Variants in ADD1 observed in about 807,000 individuals in gnomAD.
ADD1 encodes the protein alpha-adducin.
ADD1 carries 24 observed loss-of-function variants against 80.5 expected under a neutral mutation model. The observed-to-expected ratio is 0.30, with a 90% CI of 0.22 to 0.42. The LOEUF (loss-of-function observed/expected upper bound fraction) is 0.42. Ranked by LOEUF, ADD1 falls within the 10% of genes least tolerant of loss-of-function variation. ADD1 has a pLI of 1.00. For synonymous variants in ADD1, 373 were observed against 393.8 expected (o/e 0.95, Z 0.63); for missense variants, 948 against 1,019.0 (o/e 0.93, Z 0.95).
chr4:2,847,463 A>T (rs1007135074), intron 1 of ADD1, among the ~76,000 whole-genome samples: 1 of 151,922 alleles, frequency 6.6e-6, no homozygotes, highest in African/African-American at 2.4e-5. Flanking sequence ...ATTTTTATAT[A>T]CCTGTATCTA....
chr4:2,908,909 G>T (rs968390495), intron 12 of ADD1: 1 of 477,154 alleles, frequency 2.1e-6, no homozygotes, highest in South Asian at 2.2e-5. Context: ...GCAGCGTTCT[G>T]TGTAAGGCGC....
chr4:2,927,519 G>T (rs944028263), intron 15 of ADD1, among the ~76,000 whole-genome samples: 3 of 152,246 alleles, frequency 2.0e-5, no homozygotes, highest in Non-Finnish European at 2.9e-5. Flanking sequence ...GGGTGCCCGG[G>T]TAAGTGCAAG....
At chr4:2,895,495 G>A (rs530646659) in intron 6 of ADD1, among the ~76,000 whole-genome samples, 1 of 152,206 alleles carries the variant, frequency 6.6e-6, no homozygotes, top group South Asian at 2.1e-4. Flanking sequence ...CTGTGGGGAC[G>A]AGCTGGGGAA....
intron 3 of ADD1, among the ~76,000 whole-genome samples, chr4:2,882,931 G>C (rs899766032): frequency 3.3e-5 from 5 of 152,108 alleles, no homozygotes; most frequent in Admixed American, 1.3e-4. Flanking sequence ...CATGATCTCA[G>C]CTCCCTGCAA....
chr4:2,929,362 G>A lies in ADD1; in HGVS notation c.*839G>A, dbSNP rs1428446212. ...ACAGTAGAGCACTTTTCACTTATTT[G>A]GGGGAGGCTTCAGGGGACTGTTCTC... On this transcript the variant is annotated 3_prime_UTR_variant, in exon 16 of 16. Transcript: ENST00000683351. 2 of 152,236 alleles carry A rather than the reference G, an allele frequency of 1.3e-5. No individual in the cohort carries two copies. Among genetic ancestry groups the A allele is most frequent in the Admixed American group, 6.5e-5 (1 of 15,290 alleles). The allele number at this position is 152,236 out of a possible 1,614,324, so 9.4% of individuals were successfully genotyped here. A position where few individuals can be genotyped will look rare whatever the true frequency, so the allele number is the denominator to read the frequency against.
chr4:2,929,184 C>T lies in ADD1; in HGVS notation c.*661C>T, dbSNP rs34834793. 6.6e-6 allele frequency: 1 copy of T among 152,312 alleles called. No homozygotes were observed. The highest frequency in any genetic ancestry group is 1.5e-5 in the Non-Finnish European group (1 of 68,038). The allele number at this position is 152,312 out of a possible 1,614,324, so 9.4% of individuals were successfully genotyped here. On this transcript the variant is annotated 3_prime_UTR_variant, in exon 16 of 16. Coordinates refer to ENST00000683351, the MANE Select transcript of ADD1 (RefSeq NM_001354761.2). Reference sequence around the variant, plus strand: ...AGATTCAGGAGCTCAGTTTCTTTTTCACTTGGGTCTCTGGATTCCTGTCAT... The same window carrying T: ...AGATTCAGGAGCTCAGTTTCTTTTTTACTTGGGTCTCTGGATTCCTGTCAT...
intron 2 of ADD1, 96 bp from the exon 3 acceptor site, chr4:2,881,802 G>A: frequency 8.9e-7 from 1 of 1,121,796 alleles, no homozygotes; most frequent in South Asian, 1.9e-5. Context: ...AGCACTGGAT[G>A]AAAACAAAAA....
At chr4:2,908,044 T>C (rs1053448983) in intron 11 of ADD1, among the ~76,000 whole-genome samples, 200 bp downstream of exon 11, 5 of 152,208 alleles carry the variant, frequency 3.3e-5, no homozygotes, top group Non-Finnish European at 7.3e-5. Context: ...TTGGGCCCTA[T>C]TGATTCTTGA....
At chr4:2,922,840 G>A (rs1740287620) in intron 14 of ADD1, among the ~76,000 whole-genome samples, 1 of 152,246 alleles carries the variant, frequency 6.6e-6, no homozygotes, top group Non-Finnish European at 1.5e-5. Context: ...CCCGCCCAGG[G>A]AGGAGGAATC....
At chr4:2,847,723 G>T (rs537254273) in intron 1 of ADD1, among the ~76,000 whole-genome samples, 1 of 152,292 alleles carries the variant, frequency 6.6e-6, no homozygotes, top group Admixed American at 6.5e-5. Flanking sequence ...GGAGACATGA[G>T]ACATCAATCA....
intron 1 of ADD1, among the ~76,000 whole-genome samples, chr4:2,871,751 T>C (rs1319032911): frequency 1.3e-5 from 2 of 152,224 alleles, no homozygotes; most frequent in Non-Finnish European, 2.9e-5. Context: ...TTAGGCACAT[T>C]TCAGATGTCA....
At chr4:2,898,670 GACT>G in intron 8 of ADD1, 139 bp downstream of exon 8, 1 of 748,710 alleles carries the variant, frequency 1.3e-6, no homozygotes, top group South Asian at 1.5e-5. Context: ...ATGGATTTGG[GACT>G]TGATCAGGAC....
intron 1 of ADD1, among the ~76,000 whole-genome samples, chr4:2,855,638 T>G (rs1727940361): frequency 6.6e-6 from 1 of 151,844 alleles, no homozygotes; most frequent in Non-Finnish European, 1.5e-5. Context: ...GTCCAGACTT[T>G]TTTTTTTTCT....
chr4:2,886,470 C>T (rs191890065), intron 4 of ADD1, among the ~76,000 whole-genome samples: 192 of 152,252 alleles, frequency 1.3e-3, no homozygotes, highest in Non-Finnish European at 1.8e-3. Flanking sequence ...CTCCTGTGTG[C>T]GGCACGGTCA....
rs369100972 is a variant in ADD1, at chr4:2,881,355, A to C, written c.196-543A>C. Among the ~76,000 whole-genome samples, 241 of 152,294 alleles carry C rather than the reference A, an allele frequency of 1.6e-3. 1 individual carries two copies. Among genetic ancestry groups the C allele is most frequent in the African/African-American group, 5.6e-3 (234 of 41,562 alleles). The stretch of plus-strand genomic sequence containing the variant: ...TCGCCTCCTAAAGTGCTGGGATTCC[A>C]GGCATGAGCCACTGTGCCCAGCCAA... On this transcript the variant is annotated intron_variant, in intron 2 of 15. Coordinates refer to ENST00000683351, the MANE Select transcript of ADD1 (RefSeq NM_001354761.2).
chr4:2,925,881 C>G, intron 14 of ADD1, 133 bp from the exon 15 acceptor site: 1 of 660,308 alleles, frequency 1.5e-6, no homozygotes, highest in Non-Finnish European at 2.7e-6. Context: ...TGGAGAGGAT[C>G]AGGGAAAGGG....
chr4:2,913,634 C>T (rs547152913), intron 13 of ADD1, among the ~76,000 whole-genome samples: 2 of 144,212 alleles, frequency 1.4e-5, no homozygotes, highest in South Asian at 2.2e-4. Flanking sequence ...GGGTACGCAG[C>T]ATGCTAGGTG....
chr4:2,869,688 T>C (rs1357981106), intron 1 of ADD1, among the ~76,000 whole-genome samples: 2 of 152,214 alleles, frequency 1.3e-5, no homozygotes, highest in Admixed American at 6.5e-5. Flanking sequence ...TTTTGTTTGT[T>C]ATCTCCTGCT....
At chr4:2,852,239 CTTTCTTTCTCTTT>C (rs1727333716) in intron 1 of ADD1, among the ~76,000 whole-genome samples, 5 of 55,106 alleles carry the variant, frequency 9.1e-5, no homozygotes, top group East Asian at 9.8e-4. Flanking sequence ...TCCTTTCTTT[CTTTCTTTCTCTTT>C]CTTTCTTTCC....
Sources: allele counts gnomAD v4.1 joint callset (sites outside exome capture counted in the v4.1 genomes callset), GRCh38; gene constraint gnomAD v4.1.1; transcripts MANE v1.5; gene names NCBI Gene and HGNC (gene_info 2026-07-23, HGNC 2026-07-21).